Variants in C1orf94 observed in about 807,000 individuals in gnomAD.
The protein encoded by C1orf94 is uncharacterized protein C1orf94.
C1orf94 carries 45 observed loss-of-function variants against 53.6 expected under a neutral mutation model. The ratio of observed to expected loss-of-function variants is 0.84; its 90% CI spans 0.66 to 1.08. C1orf94 has a LOEUF of 1.08. C1orf94 is among the 50% of genes least tolerant of loss of function. The pLI is 0.00. For missense variants in C1orf94, 762 were observed against 738.9 expected (o/e 1.03, Z -0.36); for synonymous variants, 304 against 296.1 (o/e 1.03, Z -0.27).
chr1:34,202,136 T>C lies in C1orf94; in HGVS notation c.1323T>C (p.Asn441=). The change falls in exon 4 of 7, where the codon AAT becomes AAC. Residue 441 remains asparagine (N), a synonymous_variant. Coordinates refer to ENST00000488417, the MANE Select transcript of C1orf94 (RefSeq NM_001134734.2). ...ADKNNPKYTG[N]VFTPHFPTAM... The stretch of plus-strand genomic sequence containing the variant: ...AGAACAACCCGAAGTACACAGGGAA[T>C]GTTTTCACTCCACACTTTCCTACAG... The C allele has an allele frequency of 1.2e-6, 2 of 1,614,154 alleles. No individual in the cohort carries two copies. The highest frequency in any genetic ancestry group is 1.7e-6 in the Non-Finnish European group (2 of 1,180,020).
intron 5 of C1orf94, 29 bp from the exon 6 acceptor site, chr1:34,212,181 C>G: frequency 6.4e-7 from 1 of 1,574,586 alleles, no homozygotes; most frequent in Non-Finnish European, 8.6e-7. Context: ...GAATGGTGAC[C>G]TCACCCCTCT....
At chr1:34,207,868 C>T (rs1030256503) in intron 4 of C1orf94, among the ~76,000 whole-genome samples, 1 of 152,178 alleles carries the variant, frequency 6.6e-6, no homozygotes, top group Non-Finnish European at 1.5e-5. Flanking sequence ...TGCCCAAGGT[C>T]ACACAGCCAC....
rs41266411 is a variant in C1orf94 at position 34,177,849 on chromosome 1, G to A, written c.60G>A (p.Glu20=). Residue 20 remains glutamate, a synonymous_variant, in exon 1 of 7, where the codon GAG becomes GAA. Transcript: ENST00000488417. Reference sequence around the variant, plus strand: ...GTGGACAGAGGGGCTTCCAGAAAGAGAGGAGGAGGATGGCCAGCGGGAATG... The same window carrying A: ...GTGGACAGAGGGGCTTCCAGAAAGAAAGGAGGAGGATGGCCAGCGGGAATG... The part of the protein sequence containing the change: ...ALGGQRGFQK[E]RRRMASGNGL... 0.031 allele frequency: 47,485 copies of A among 1,550,696 alleles called. 878 individuals carry two copies. Among genetic ancestry groups the A allele is most frequent in the East Asian group, 0.053 (2,169 of 40,874 alleles).
At chr1:34,179,047 G>T (rs574251101) in intron 1 of C1orf94, among the ~76,000 whole-genome samples, 1 of 152,358 alleles carries the variant, frequency 6.6e-6, no homozygotes, top group East Asian at 1.9e-4. Flanking sequence ...TCAGTTCAGA[G>T]ATGCTCTGGA....
At chr1:34,198,052 C>G (rs188398890) in intron 2 of C1orf94, 139 bp downstream of exon 2, 1 of 959,396 alleles carries the variant, frequency 1.0e-6, no homozygotes, top group Non-Finnish European at 1.5e-6. Context: ...GGCACAGCCC[C>G]GAGGGACGGG....
intron 1 of C1orf94, among the ~76,000 whole-genome samples, chr1:34,181,830 A>G (rs1175890965): frequency 6.6e-6 from 1 of 152,238 alleles, no homozygotes; most frequent in East Asian, 1.9e-4. Context: ...AGATGTGATT[A>G]TCTGGGCTGA....
rs528558729 is a variant in C1orf94, at chr1:34,213,507, A to G, written c.1721+1101A>G. On this transcript the variant is annotated intron_variant, in intron 6 of 6. Coordinates refer to ENST00000488417, the MANE Select transcript of C1orf94 (RefSeq NM_001134734.2). Reference sequence around the variant, plus strand: ...GAAGGTGGTCGATAGTATTATTTAAACATGAAATCCACACCCTTTTCTTTT... The same window carrying G: ...GAAGGTGGTCGATAGTATTATTTAAGCATGAAATCCACACCCTTTTCTTTT... Among the ~76,000 whole-genome samples the G allele has an allele frequency of 2.6e-5, 4 of 152,248 alleles. No individual in the cohort carries two copies. In the East Asian group the frequency reaches 5.8e-4, roughly 22 times the overall value.
intron 1 of C1orf94, among the ~76,000 whole-genome samples, chr1:34,194,938 G>A (rs1475545232): frequency 6.6e-6 from 1 of 152,278 alleles, no homozygotes; most frequent in Non-Finnish European, 1.5e-5. Context: ...GGTGGATGAA[G>A]AGGAAGAAGA....
intron 1 of C1orf94, among the ~76,000 whole-genome samples, chr1:34,167,741 G>A (rs1327294124): frequency 6.6e-6 from 1 of 152,136 alleles, no homozygotes; most frequent in African/African-American, 2.4e-5. Flanking sequence ...GTCAGACAGC[G>A]ATAATCACCA....
intron 3 of C1orf94, among the ~76,000 whole-genome samples, chr1:34,201,659 C>G (rs941458797): frequency 1.3e-5 from 2 of 152,158 alleles, no homozygotes; most frequent in East Asian, 3.8e-4. Flanking sequence ...AATATATGTC[C>G]TTAGGGAGGG....
intron 1 of C1orf94, among the ~76,000 whole-genome samples, chr1:34,178,606 G>A (rs758742044): frequency 1.4e-4 from 21 of 152,192 alleles, no homozygotes; most frequent in Admixed American, 2.6e-4. Flanking sequence ...ATATTTACTG[G>A]GAAGGCACTG....
chr1:34,194,504 A>G (rs1642548499), intron 1 of C1orf94, among the ~76,000 whole-genome samples: 1 of 152,132 alleles, frequency 6.6e-6, no homozygotes, highest in Admixed American at 6.5e-5. Context: ...TACTTTGAGT[A>G]TGTGCGTGTA....
At chr1:34,206,336 TG>T (rs1236518472) in intron 4 of C1orf94, among the ~76,000 whole-genome samples, 2 of 152,048 alleles carry the variant, frequency 1.3e-5, no homozygotes, top group Non-Finnish European at 2.9e-5. Context: ...GAGAAGATGA[TG>T]AAAAAGAGGC....
intron 4 of C1orf94, among the ~76,000 whole-genome samples, chr1:34,203,536 G>A (rs915429150): frequency 1.3e-5 from 2 of 152,280 alleles, no homozygotes; most frequent in East Asian, 1.9e-4. Flanking sequence ...AGGGAGGGTG[G>A]TCTTGGAACC....
At chr1:34,211,449 C>T (rs1377587204) in intron 5 of C1orf94, among the ~76,000 whole-genome samples, 1 of 152,110 alleles carries the variant, frequency 6.6e-6, no homozygotes, top group East Asian at 1.9e-4. Context: ...TCATCACGGG[C>T]AATCTCGGAA....
chr1:34,212,009 A>G (rs1413668952), intron 5 of C1orf94, among the ~76,000 whole-genome samples: 6 of 152,040 alleles, frequency 3.9e-5, no homozygotes, highest in Non-Finnish European at 8.8e-5. Context: ...CAGATGGGGA[A>G]ACTGAGGCTC....
chr1:34,212,961 A>G lies in C1orf94; in HGVS notation c.1721+555A>G, dbSNP rs116206213. Among the ~76,000 whole-genome samples the G allele has an allele frequency of 7.6e-3, 1,165 of 152,368 alleles. 7 individuals are homozygous for G. Among genetic ancestry groups the G allele is most frequent in the Middle Eastern group, 0.02 (6 of 294 alleles). ...ACTTCCTGGGACAGTCTGAAGGCTT[A>G]ACAGCAAACAGCCAGCACAAACTCA... On this transcript the variant is annotated intron_variant, in intron 6 of 6. Coordinates refer to ENST00000488417, the MANE Select transcript of C1orf94 (RefSeq NM_001134734.2).
At chr1:34,214,541 T>C (rs1432669169) in intron 6 of C1orf94, among the ~76,000 whole-genome samples, 2 of 152,100 alleles carry the variant, frequency 1.3e-5, no homozygotes, top group African/African-American at 4.8e-5. Context: ...CCCCTGCAGG[T>C]TGGCCAACTT....
chr1:34,202,412 C>T (rs1019622787), intron 4 of C1orf94, among the ~76,000 whole-genome samples, 153 bp downstream of exon 4: 6 of 152,306 alleles, frequency 3.9e-5, no homozygotes, highest in African/African-American at 7.2e-5. Flanking sequence ...TATGGAAGGG[C>T]GCTGTCAACT....
Sources: allele counts gnomAD v4.1 joint callset (sites outside exome capture counted in the v4.1 genomes callset), GRCh38; gene constraint gnomAD v4.1.1; transcripts MANE v1.5; gene names NCBI Gene and HGNC (gene_info 2026-07-23, HGNC 2026-07-21).